Variants in NUP153 observed in about 807,000 individuals in gnomAD.
The protein encoded by NUP153 is nucleoporin 153.
Under a neutral mutation model 134.6 loss-of-function variants are expected in NUP153, and 27 were observed. That is an observed-to-expected ratio of 0.20 (90% CI 0.15 to 0.28). The LOEUF (loss-of-function observed/expected upper bound fraction) is 0.28, where lower values mean the gene tolerates loss of function less well. Ranked by LOEUF, NUP153 falls within the 10% of genes least tolerant of loss-of-function variation. NUP153 has a pLI of 1.00. For missense variants in NUP153, 1,821 were observed against 1,731.3 expected (o/e 1.05, Z -0.92); for synonymous variants, 640 against 623.5 (o/e 1.03, Z -0.40).
rs1400925210 is a variant in NUP153, at chr6:17,665,040, G to A, written c.1215+199C>T. On this transcript the variant is annotated intron_variant, in intron 9 of 21. Coordinates refer to ENST00000262077, the MANE Select transcript of NUP153 (RefSeq NM_005124.4). ...TGCACTCCACCCCTGGAGACAGAGT[G>A]AGACTCCGTCTCAAAAAAAAAAAAA... is the stretch of plus-strand genomic sequence containing the variant. 2.3e-3 allele frequency among the ~76,000 whole-genome samples: 7 copies of A among 3,110 alleles called. No homozygotes were observed. In the Non-Finnish European group the frequency reaches 0.024, roughly 11 times the overall value. The allele number at this position is 3,110 out of a possible 152,430, so 2.0% of individuals were successfully genotyped here.
At chr6:17,652,206 T>A (rs1051441795) in intron 11 of NUP153, among the ~76,000 whole-genome samples, 5 of 152,154 alleles carry the variant, frequency 3.3e-5, no homozygotes. Context: ...TACTATCAGC[T>A]TACTTCTACA....
At chr6:17,635,013 A>C (rs188399427) in intron 16 of NUP153, among the ~76,000 whole-genome samples, 8 of 152,156 alleles carry the variant, frequency 5.3e-5, no homozygotes, top group African/African-American at 1.9e-4. Flanking sequence ...AGAATCTCAT[A>C]ATGTTTTAGA....
chr6:17,657,745 C>CA (rs545476568), intron 11 of NUP153, among the ~76,000 whole-genome samples: 94 of 151,686 alleles, frequency 6.2e-4, no homozygotes, highest in South Asian at 1.7e-3. Flanking sequence ...AAAAACTTGT[C>CA]AAAAAAAATA....
In NUP153 at chr6:17,675,863, A is replaced by G. The variant is rs1768195992; in HGVS notation, c.335-93T>C. 8.4e-7 allele frequency: 1 copy of G among 1,193,864 alleles called. No homozygotes were observed. Among genetic ancestry groups the G allele is most frequent in the Non-Finnish European group, 1.2e-6 (1 of 814,676 alleles). The allele number at this position is 1,193,864 out of a possible 1,614,324, so 74.0% of individuals were successfully genotyped here. A position where few individuals can be genotyped will look rare whatever the true frequency, so the allele number is the denominator to read the frequency against. On this transcript the variant is annotated intron_variant, in intron 2 of 21. Coordinates refer to ENST00000262077, the MANE Select transcript of NUP153 (RefSeq NM_005124.4). This position sits in a 1 kb window ranked among gnomAD's most constrained non-coding sequence, Gnocchi z 4.4. ...ACTTTAAGAAAACACATTACAGTAT[A>G]TAATAGCTTCAATTCAAATCACTGG...
Position 17,616,150 on chromosome 6 carries a change from C to T in NUP153, c.4375G>A (p.Gly1459Arg). 1 of 1,613,586 alleles carries T rather than the reference C, an allele frequency of 6.2e-7. No individual in the cohort carries two copies. The change falls in exon 22 of 22, where the codon GGA becomes AGA. Residue 1459 changes from glycine to arginine, a missense_variant. By Grantham distance (125) the Gly-to-Arg change is moderately radical (BLOSUM62 -2). Coordinates refer to ENST00000262077, the MANE Select transcript of NUP153 (RefSeq NM_005124.4). ...SNGKNVFSSS[G>R]TSFSGRKIKT... ...ATCTTGCGACCAGAGAATGAAGTTCCAGAAGAAGAGAACACATTTTTCCCA... is the reference window on the plus strand; with the variant it reads ...ATCTTGCGACCAGAGAATGAAGTTCTAGAAGAAGAGAACACATTTTTCCCA...
chr6:17,706,440 C>G lies in NUP153; in HGVS notation c.-53G>C. ...GGGGCGGGTAAGGGGGCGGGAGAGGCAGAGGCGGAGGCCTTAGAGAGCCTC... is the reference window on the plus strand; with the variant it reads ...GGGGCGGGTAAGGGGGCGGGAGAGGGAGAGGCGGAGGCCTTAGAGAGCCTC... On this transcript the variant is annotated 5_prime_UTR_variant, in exon 1 of 22. Coordinates refer to ENST00000262077, the MANE Select transcript of NUP153 (RefSeq NM_005124.4). The surrounding 1 kb of genome is among the most constrained non-coding windows in gnomAD (Gnocchi z 5.9). The G allele has an allele frequency of 6.8e-7, 1 of 1,465,372 alleles. No individual in the cohort carries two copies. The highest frequency in any genetic ancestry group is 9.4e-7 in the Non-Finnish European group (1 of 1,060,500). 90.8% of individuals were successfully genotyped at this position (1,465,372 alleles called of 1,614,324 possible). A position where few individuals can be genotyped will look rare whatever the true frequency, so the allele number is the denominator to read the frequency against.
chr6:17,629,589 TCAAA>T, intron 17 of NUP153, 50 bp from the exon 18 acceptor site: 1 of 1,491,644 alleles, frequency 6.7e-7, no homozygotes. Flanking sequence ...ACTGATCCTC[TCAAA>T]CAAAATGTAA....
chr6:17,633,944 T>C (rs1049177904), intron 16 of NUP153, among the ~76,000 whole-genome samples: 5 of 147,328 alleles, frequency 3.4e-5, no homozygotes, highest in African/African-American at 1.3e-4. Flanking sequence ...TTTCCTAATC[T>C]ACACCTGCAA....
At position 17,706,445 on chromosome 6, in the gene NUP153, G is replaced by A. The variant is rs1770509446; in HGVS notation, c.-58C>T. 4.2e-6 allele frequency: 6 copies of A among 1,417,858 alleles called. No individual in the cohort carries two copies. The African/African-American group carries it at 8.5e-5, about 20-fold the overall frequency. 87.8% of individuals were successfully genotyped at this position (1,417,858 alleles called of 1,614,324 possible). A position where few individuals can be genotyped will look rare whatever the true frequency, so the allele number is the denominator to read the frequency against. On this transcript the variant is annotated 5_prime_UTR_variant, in exon 1 of 22. Transcript: ENST00000262077. This position sits in a 1 kb window ranked among gnomAD's most constrained non-coding sequence, Gnocchi z 5.9. ...GGGTAAGGGGGCGGGAGAGGCAGAG[G>A]CGGAGGCCTTAGAGAGCCTCCCCCG...
At chr6:17,697,859 C>T (rs1044874157) in intron 1 of NUP153, among the ~76,000 whole-genome samples, 1 of 152,166 alleles carries the variant, frequency 6.6e-6, no homozygotes, top group African/African-American at 2.4e-5. Context: ...TAATTAACGA[C>T]ATTCTTTTCT....
At chr6:17,643,124 A>C (rs1765941154) in intron 14 of NUP153, among the ~76,000 whole-genome samples, 1 of 152,298 alleles carries the variant, frequency 6.6e-6, no homozygotes, top group Admixed American at 6.5e-5. Flanking sequence ...AAGGTACTAA[A>C]GGCCACTGAA....
chr6:17,615,869 A>G lies in NUP153; in HGVS notation c.*228T>C. On this transcript the variant is annotated 3_prime_UTR_variant, in exon 22 of 22. Transcript: ENST00000262077. This position sits in a 1 kb window ranked among gnomAD's most constrained non-coding sequence, Gnocchi z 5.7. ...AGTGAATAATCTGCTGGATCATAAAATATTTTTGCTGAAGAATCAGTCACC... is the reference window on the plus strand; with the variant it reads ...AGTGAATAATCTGCTGGATCATAAAGTATTTTTGCTGAAGAATCAGTCACC... 1 of 475,402 alleles carries G rather than the reference A, an allele frequency of 2.1e-6. No individual in the cohort carries two copies. Among genetic ancestry groups the G allele is most frequent in the Non-Finnish European group, 3.7e-6 (1 of 268,490 alleles). 29.4% of individuals were successfully genotyped at this position (475,402 alleles called of 1,614,324 possible). A position where few individuals can be genotyped will look rare whatever the true frequency, so the allele number is the denominator to read the frequency against.
intron 8 of NUP153, among the ~76,000 whole-genome samples, chr6:17,668,066 G>T (rs931245079): frequency 1.6e-5 from 2 of 128,132 alleles, no homozygotes; most frequent in African/African-American, 6.1e-5. Context: ...TTAGTTTACT[G>T]AACTTTTTTT....
chr6:17,696,169 T>C (rs1226688095), intron 1 of NUP153, among the ~76,000 whole-genome samples: 1 of 152,162 alleles, frequency 6.6e-6, no homozygotes, highest in African/African-American at 2.4e-5. Flanking sequence ...TAAGGGACCC[T>C]GCCTACCAAA....
chr6:17,632,658 C>G lies in NUP153; in HGVS notation c.2651G>C (p.Gly884Ala). ...TATTTTTTTGGCCTTACCTTTAAAC[C>G]CAGATTTTGTGCCTGGCTTTGCACT... is the stretch of plus-strand genomic sequence containing the variant. Reference protein sequence around the residue: ...CESAKPGTKSGFKGFDTSSSS... With the variant: ...CESAKPGTKSAFKGFDTSSSS... The change falls in exon 17 of 22, where the codon GGG (glycine) becomes GCG (alanine). Residue 884 changes from glycine to alanine, a missense_variant. Coordinates refer to ENST00000262077, the MANE Select transcript of NUP153 (RefSeq NM_005124.4). 6.2e-7 allele frequency: 1 copy of G among 1,600,028 alleles called. No homozygotes were observed. The highest frequency in any genetic ancestry group is 8.5e-7 in the Non-Finnish European group (1 of 1,173,718).
chr6:17,706,365 ACTCCTCCGG>A lies in NUP153; in HGVS notation c.14_22del (p.Ala5_Gly7del), dbSNP rs775804643. ...GATCTTGCCGCCACCGCCCCCTCCG[ACTCCTCCGG>A]CTCCCGAGGCCATGGCGGAGCCTCC... On this transcript the variant is annotated inframe_deletion, in exon 1 of 22. Transcript: ENST00000262077. The surrounding 1 kb of genome is among the most constrained non-coding windows in gnomAD (Gnocchi z 5.9). The A allele has an allele frequency of 7.4e-6, 12 of 1,611,066 alleles. No homozygotes were observed. In the African/African-American group the frequency reaches 1.3e-4, roughly 18 times the overall value.
At chr6:17,646,926 T>TC (rs1766223795) in intron 13 of NUP153, among the ~76,000 whole-genome samples, 1 of 149,940 alleles carries the variant, frequency 6.7e-6, no homozygotes, top group Admixed American at 6.6e-5. Context: ...TTCTTTTTTT[T>TC]TTTTTTTTTT....
chr6:17,616,301 C>T lies in NUP153; in HGVS notation c.4344-120G>A, dbSNP rs548699314. The T allele has an allele frequency of 2.6e-5, 16 of 623,336 alleles. No homozygotes were observed. In the South Asian group the frequency reaches 3.0e-4, roughly 12 times the overall value. The allele number at this position is 623,336 out of a possible 1,614,324, so 38.6% of individuals were successfully genotyped here. A position where few individuals can be genotyped will look rare whatever the true frequency, so the allele number is the denominator to read the frequency against. On this transcript the variant is annotated intron_variant, in intron 21 of 21. Coordinates refer to ENST00000262077, the MANE Select transcript of NUP153 (RefSeq NM_005124.4). ...GTCGGGTGGGGGGGGAGTAGACTCA[C>T]ATTGGTATATACATTTTCTGCTACA...
At chr6:17,656,346 T>C (rs115898399) in intron 11 of NUP153, among the ~76,000 whole-genome samples, 1,653 of 152,144 alleles carry the variant, frequency 0.011, 32 homozygotes, top group African/African-American at 0.037. Context: ...AAGAATCCTG[T>C]GACACAAAAT....
Sources: gnomAD v4.1 joint callset for allele counts (sites outside exome capture counted in the v4.1 genomes callset) on GRCh38, gnomAD v4.1.1 for gene constraint, Gnocchi (gnomAD v3.1) non-coding constraint, MANE v1.5 for transcripts, NCBI Gene and HGNC (gene_info 2026-07-23, HGNC 2026-07-21) for gene names.